Variants in CHST11 observed in about 807,000 individuals in gnomAD.
The protein encoded by CHST11 is C4S-1.
CHST11 carries 9 observed loss-of-function variants against 30.4 expected under a neutral mutation model. That is an observed-to-expected ratio of 0.30 (90% CI 0.18 to 0.52). The LOEUF (loss-of-function observed/expected upper bound fraction) is 0.52. CHST11 is among the 20% of genes least tolerant of loss of function. The pLI is 0.97. For synonymous variants in CHST11, 152 were observed against 187.8 expected (o/e 0.81, Z 1.56); for missense variants, 348 against 460.6 (o/e 0.76, Z 2.24).
intron 2 of CHST11, among the ~76,000 whole-genome samples, chr12:104,700,749 A>T (rs535702814): frequency 6.6e-6 from 1 of 152,296 alleles, no homozygotes; most frequent in East Asian, 1.9e-4. Context: ...AGTATCCCAG[A>T]GAAGGGAAGC....
At chr12:104,558,814 C>T (rs1400052758) in intron 1 of CHST11, among the ~76,000 whole-genome samples, 4 of 152,100 alleles carry the variant, frequency 2.6e-5, no homozygotes, top group African/African-American at 9.7e-5. Flanking sequence ...GCTGGGATTA[C>T]AGGCTTGAGT....
chr12:104,689,213 A>G (rs2039875406), intron 2 of CHST11, among the ~76,000 whole-genome samples: 1 of 152,222 alleles, frequency 6.6e-6, no homozygotes, highest in Non-Finnish European at 1.5e-5. Context: ...TTAAGACCAA[A>G]ATAAACCTTG....
chr12:104,657,411 G>A (rs1001091739), intron 2 of CHST11, among the ~76,000 whole-genome samples: 7 of 152,024 alleles, frequency 4.6e-5, no homozygotes, highest in African/African-American at 9.7e-5. Context: ...TTTAACAGCC[G>A]TTCATGGAGA....
intron 2 of CHST11, among the ~76,000 whole-genome samples, chr12:104,629,708 G>A (rs1157122017): frequency 2.0e-5 from 3 of 152,188 alleles, no homozygotes; most frequent in African/African-American, 7.2e-5. Context: ...TGTAATCCCA[G>A]CTACTCAGGA....
intron 1 of CHST11, among the ~76,000 whole-genome samples, chr12:104,539,049 G>T (rs1351406013): frequency 6.6e-6 from 1 of 152,222 alleles, no homozygotes; most frequent in African/African-American, 2.4e-5. Context: ...GTTGCCCAAG[G>T]TTACACAGCT....
At chr12:104,570,957 C>T (rs1294274900) in intron 1 of CHST11, among the ~76,000 whole-genome samples, 5 of 152,262 alleles carry the variant, frequency 3.3e-5, no homozygotes, top group African/African-American at 4.8e-5. Context: ...TCCCAAAGTG[C>T]TGGAATTACA....
chr12:104,543,449 G>A (rs1480226134), intron 1 of CHST11, among the ~76,000 whole-genome samples: 2 of 152,166 alleles, frequency 1.3e-5, no homozygotes, highest in East Asian at 3.8e-4. Flanking sequence ...GTCATATTTT[G>A]TGTTTCCATT....
intron 1 of CHST11, among the ~76,000 whole-genome samples, chr12:104,585,176 T>C (rs1182636781): frequency 6.6e-6 from 1 of 152,200 alleles, no homozygotes; most frequent in Non-Finnish European, 1.5e-5. Flanking sequence ...CCAGCTATCT[T>C]TGCTTCTGGA....
At chr12:104,643,394 A>G (rs2039396530) in intron 2 of CHST11, among the ~76,000 whole-genome samples, 2 of 152,228 alleles carry the variant, frequency 1.3e-5, no homozygotes, top group Admixed American at 1.3e-4. Flanking sequence ...TTTAGAGATG[A>G]GGAAGCAGAA....
In CHST11 at chr12:104,498,635, T is replaced by C. The variant is rs186538799; in HGVS notation, c.118+41106T>C. ...TTATTGAAAACGTCCCTATAGGACC[T>C]TTTTCACTGAGAGTTTCACATCTGG... On this transcript the variant is annotated intron_variant, in intron 1 of 2. Transcript: ENST00000303694. 2.9e-3 allele frequency among the ~76,000 whole-genome samples: 439 copies of C among 152,296 alleles called. 5 individuals carry two copies. The highest frequency in any genetic ancestry group is 0.01 in the African/African-American group (419 of 41,572).
intron 2 of CHST11, among the ~76,000 whole-genome samples, chr12:104,734,142 C>T (rs958420387): frequency 2.0e-5 from 3 of 152,336 alleles, no homozygotes; most frequent in African/African-American, 7.2e-5. Context: ...AGCACTGGCG[C>T]CAGAGGGGCA....
chr12:104,516,517 G>A (rs982218977), intron 1 of CHST11, among the ~76,000 whole-genome samples: 2 of 151,972 alleles, frequency 1.3e-5, no homozygotes, highest in African/African-American at 2.4e-5. Flanking sequence ...ACTTTTAGGC[G>A]TGGTTGGAAT....
At chr12:104,577,234 ATTTTTTTTTTTTTTT>A (rs34967812) in intron 1 of CHST11, among the ~76,000 whole-genome samples, 3 of 74,218 alleles carry the variant, frequency 4.0e-5, no homozygotes, top group Admixed American at 1.7e-4. Flanking sequence ...GCAGCCCTTC[ATTTTTTTTTTTTTTT>A]TTTTTTTTTT....
rs74997712 is a variant in CHST11 at position 104,660,592 on chromosome 12, T to G, written c.204+58601T>G. 8.5e-4 allele frequency among the ~76,000 whole-genome samples: 129 copies of G among 152,258 alleles called. No homozygotes were observed. In the East Asian group the frequency reaches 0.023, roughly 27 times the overall value. On this transcript the variant is annotated intron_variant, in intron 2 of 2. Transcript: ENST00000303694. Reference sequence around the variant, plus strand: ...CAGGAGAGAAAGACCCGAAGGAAATTTCCATCCCGGCTGAGGTCCTCTCCT... The same window carrying G: ...CAGGAGAGAAAGACCCGAAGGAAATGTCCATCCCGGCTGAGGTCCTCTCCT...
intron 2 of CHST11, among the ~76,000 whole-genome samples, chr12:104,606,852 G>A (rs1042793813): frequency 6.6e-6 from 1 of 152,108 alleles, no homozygotes; most frequent in African/African-American, 2.4e-5. Context: ...CAGATCACCT[G>A]AGATCAGGAG....
At chr12:104,615,654 C>T (rs1240742843) in intron 2 of CHST11, among the ~76,000 whole-genome samples, 3 of 152,158 alleles carry the variant, frequency 2.0e-5, no homozygotes, top group South Asian at 2.1e-4. Flanking sequence ...TGGCCGGGCT[C>T]GGTGGCTCAC....
At chr12:104,585,665 C>G (rs887198166) in intron 1 of CHST11, among the ~76,000 whole-genome samples, 1 of 152,176 alleles carries the variant, frequency 6.6e-6, no homozygotes, top group African/African-American at 2.4e-5. Flanking sequence ...CCATGTGTAT[C>G]AGTTTGCTAG....
intron 1 of CHST11, among the ~76,000 whole-genome samples, chr12:104,506,077 A>T (rs2037901463): frequency 6.6e-6 from 1 of 152,218 alleles, no homozygotes; most frequent in African/African-American, 2.4e-5. Flanking sequence ...CATGGTAGTT[A>T]TTCTCCACTC....
At chr12:104,632,062 G>A (rs1212152216) in intron 2 of CHST11, among the ~76,000 whole-genome samples, 1 of 152,216 alleles carries the variant, frequency 6.6e-6, no homozygotes, top group Non-Finnish European at 1.5e-5. Flanking sequence ...GAAGACAGAT[G>A]TAGGCACAGA....
Sources: allele counts gnomAD v4.1 joint callset (sites outside exome capture counted in the v4.1 genomes callset), GRCh38; gene constraint gnomAD v4.1.1; transcripts MANE v1.5; gene names NCBI Gene and HGNC (gene_info 2026-07-23, HGNC 2026-07-21).